Variants in MACROD2 observed in about 807,000 individuals in gnomAD.
The protein encoded by MACROD2 is mono-ADP ribosylhydrolase 2.
A neutral mutation model predicts 70.4 loss-of-function variants in MACROD2; 36 were observed. That is an observed-to-expected ratio of 0.51 (90% CI 0.39 to 0.68). The LOEUF is 0.68. Ranked by LOEUF, MACROD2 falls within the 30% of genes least tolerant of loss-of-function variation. The probability of loss-of-function intolerance (pLI) is 0.00; values close to 1 mark genes in which losing one functional copy is unlikely to be tolerated. For missense variants in MACROD2, 496 were observed against 538.4 expected (o/e 0.92, Z 0.78); for synonymous variants, 172 against 178.8 (o/e 0.96, Z 0.30).
intron 7 of MACROD2, among the ~76,000 whole-genome samples, chr20:15,433,459 C>CAAAAAAAAAA (rs60298297): frequency 1.5e-4 from 13 of 88,244 alleles, no homozygotes; most frequent in Non-Finnish European, 1.7e-4. Context: ...ACAAGAGCTG[C>CAAAAAAAAAA]AAAAAAAAAA....
intron 17 of MACROD2, among the ~76,000 whole-genome samples, chr20:16,046,738 T>C (rs2067388013): frequency 6.9e-6 from 1 of 144,406 alleles, no homozygotes; most frequent in Non-Finnish European, 1.5e-5. Flanking sequence ...TACAGTGTAG[T>C]GGCACGATCT....
chr20:14,343,842 A>G (rs979918763), intron 3 of MACROD2, among the ~76,000 whole-genome samples: 15 of 152,206 alleles, frequency 9.9e-5, no homozygotes, highest in African/African-American at 3.4e-4. Context: ...ATACAAGTGG[A>G]TTGCCCTGAA....
intron 6 of MACROD2, among the ~76,000 whole-genome samples, chr20:15,411,843 A>G (rs540654435): frequency 1.8e-4 from 28 of 152,298 alleles, no homozygotes; most frequent in Non-Finnish European, 4.4e-5. Flanking sequence ...GGATTAATCC[A>G]TCGGTGTCCA....
rs59129207 is a variant in MACROD2 at position 15,227,823 on chromosome 20, G to GTTTTTTTTTTTTTTTTTTT, written c.419-2109_419-2091dup. On this transcript the variant is annotated intron_variant, in intron 5 of 17. Coordinates refer to ENST00000684519, the MANE Select transcript of MACROD2 (RefSeq NM_001351661.2). ...TAACTGGTGTGATAGAATTTCACCT[G>GTTTTTTTTTTTTTTTTTTT]TTTTTTTTTTTTTTTTTTTTTTTTT... is the stretch of plus-strand genomic sequence containing the variant. Among the ~76,000 whole-genome samples, 44 of 46,102 alleles carry GTTTTTTTTTTTTTTTTTTT rather than the reference G, an allele frequency of 9.5e-4. 12 individuals carry two copies. Among genetic ancestry groups the GTTTTTTTTTTTTTTTTTTT allele is most frequent in the Non-Finnish European group, 1.5e-3 (38 of 25,994 alleles). 30.2% of individuals were successfully genotyped at this position (46,102 alleles called of 152,430 possible). A position where few individuals can be genotyped will look rare whatever the true frequency, so the allele number is the denominator to read the frequency against.
rs1184222376 is a variant in MACROD2, at chr20:15,266,709, C to A, written c.540+36648C>A. On this transcript the variant is annotated intron_variant, in intron 6 of 17. Transcript: ENST00000684519. ...TCCCCATCACTCCCAGGACAAAGTC[C>A]AAATCCTAAAGATGGCTTTCAAGAC... Among the ~76,000 whole-genome samples the A allele has an allele frequency of 2.0e-5, 3 of 152,212 alleles. No individual in the cohort carries two copies. In the South Asian group the frequency reaches 6.2e-4, roughly 31 times the overall value.
chr20:15,909,028 C>T (rs138938675), intron 10 of MACROD2, among the ~76,000 whole-genome samples: 8 of 152,312 alleles, frequency 5.3e-5, no homozygotes, highest in Admixed American at 4.6e-4. Context: ...CAGGGCTCGA[C>T]AGGGATAGTT....
chr20:14,247,706 A>G (rs984625322), intron 3 of MACROD2, among the ~76,000 whole-genome samples: 2 of 152,208 alleles, frequency 1.3e-5, no homozygotes, highest in Admixed American at 6.5e-5. Context: ...AAAATGTGTG[A>G]TGGGATTATT....
At position 15,854,101 on chromosome 20, in the gene MACROD2, C is replaced by A. The variant is rs115394006; in HGVS notation, c.646-8644C>A. On this transcript the variant is annotated intron_variant, in intron 8 of 17. Transcript: ENST00000684519. ...TTCTCCCCTTCAGGGTGCGTAGAAC[C>A]TTCAAATATGATGGGGTAGTCACTC... Among the ~76,000 whole-genome samples, 338 of 152,242 alleles carry A rather than the reference C, an allele frequency of 2.2e-3. 1 individual carries two copies. The highest frequency in any genetic ancestry group is 7.8e-3 in the African/African-American group (325 of 41,546).
intron 8 of MACROD2, among the ~76,000 whole-genome samples, chr20:15,821,030 C>A (rs1011695911): frequency 6.6e-6 from 1 of 152,052 alleles, no homozygotes; most frequent in African/African-American, 2.4e-5. Context: ...TCAAATAGAT[C>A]CACAGACACA....
chr20:14,689,721 A>G (rs2123607216), intron 5 of MACROD2, among the ~76,000 whole-genome samples: 1 of 152,286 alleles, frequency 6.6e-6, no homozygotes, highest in South Asian at 2.1e-4. Flanking sequence ...CACCTCAGCT[A>G]AAAATGCCTT....
At chr20:14,975,161 C>T (rs141898266) in intron 5 of MACROD2, among the ~76,000 whole-genome samples, 16 of 152,006 alleles carry the variant, frequency 1.1e-4, no homozygotes, top group African/African-American at 1.4e-4. Context: ...AAATATCCAC[C>T]GGGGTGAGGG....
At chr20:15,822,798 A>G (rs998499122) in intron 8 of MACROD2, among the ~76,000 whole-genome samples, 1 of 152,178 alleles carries the variant, frequency 6.6e-6, no homozygotes, top group Non-Finnish European at 1.5e-5. Flanking sequence ...GAGACTAGGA[A>G]AGGACAGCAA....
intron 13 of MACROD2, among the ~76,000 whole-genome samples, chr20:15,985,349 A>T (rs994510924): frequency 2.0e-5 from 3 of 152,170 alleles, no homozygotes; most frequent in Non-Finnish European, 4.4e-5. Flanking sequence ...CCGAGTTCCA[A>T]AAGATTCAAG....
chr20:14,715,526 G>C lies in MACROD2; in HGVS notation c.418+30567G>C, dbSNP rs559299536. Among the ~76,000 whole-genome samples the C allele has an allele frequency of 4.9e-4, 75 of 152,284 alleles. No individual in the cohort carries two copies. In the Middle Eastern group the frequency reaches 0.014, roughly 28 times the overall value. On this transcript the variant is annotated intron_variant, in intron 5 of 17. Coordinates refer to ENST00000684519, the MANE Select transcript of MACROD2 (RefSeq NM_001351661.2). ...CCTTCATACCTTGGAGAGTGAGTGA[G>C]CACTCTTTAGCAGGCCTCTTGTGCT...
At chr20:14,434,308 AT>A (rs1389928297) in intron 3 of MACROD2, among the ~76,000 whole-genome samples, 1 of 152,208 alleles carries the variant, frequency 6.6e-6, no homozygotes, top group Non-Finnish European at 1.5e-5. Flanking sequence ...ATTATTTTGA[AT>A]CTTTTTTGTA....
At chr20:15,824,287 ATG>A (rs539986227) in intron 8 of MACROD2, among the ~76,000 whole-genome samples, 10 of 151,636 alleles carry the variant, frequency 6.6e-5, no homozygotes, top group African/African-American at 2.2e-4. Context: ...GTGTATGTGA[ATG>A]TGTGTGTTAT....
chr20:15,967,330 A>G (rs1283588684), intron 12 of MACROD2, among the ~76,000 whole-genome samples: 1 of 152,216 alleles, frequency 6.6e-6, no homozygotes, highest in Non-Finnish European at 1.5e-5. Flanking sequence ...AAGACATCCC[A>G]GCTAGCTACA....
intron 8 of MACROD2, among the ~76,000 whole-genome samples, chr20:15,739,071 G>A (rs573147087): frequency 3.2e-4 from 48 of 152,162 alleles, no homozygotes; most frequent in Non-Finnish European, 4.0e-4. Context: ...TATGGATGGA[G>A]AGGAATGATA....
intron 3 of MACROD2, among the ~76,000 whole-genome samples, chr20:14,372,797 T>C (rs1323483807): frequency 6.6e-6 from 1 of 152,210 alleles, no homozygotes; most frequent in Non-Finnish European, 1.5e-5. Flanking sequence ...CTTGGATTTG[T>C]TTTCATCTAG....
Sources: allele counts gnomAD v4.1 joint callset (sites outside exome capture counted in the v4.1 genomes callset), GRCh38; gene constraint gnomAD v4.1.1; transcripts MANE v1.5; gene names NCBI Gene and HGNC (gene_info 2026-07-23, HGNC 2026-07-21).